The following TTC29 variants were observed in gnomAD, a reference collection of about 807,000 sequenced individuals.
The protein encoded by TTC29 is tetratricopeptide repeat protein 29.
In TTC29, 49 loss-of-function variants were observed where a neutral mutation model predicts 58.1. The ratio of observed to expected loss-of-function variants is 0.84; its 90% CI spans 0.67 to 1.07. The LOEUF (loss-of-function observed/expected upper bound fraction) is 1.07. Among genes scored for constraint, TTC29 ranks in the 50% least tolerant of loss-of-function variants. The pLI is 0.00. For synonymous variants in TTC29, 209 were observed against 196.8 expected (o/e 1.06, Z -0.52); for missense variants, 582 against 555.6 (o/e 1.05, Z -0.48).
chr4:146,867,605 A>G (rs1364156821), intron 7 of TTC29, 22 bp from the exon 8 acceptor site: 2 of 1,129,262 alleles, frequency 1.8e-6, no homozygotes, highest in Middle Eastern at 2.0e-4. Flanking sequence ...ATGTAAAAAA[A>G]TTACCAAGTA....
chr4:146,713,146 G>GTGTGTGTGTGT (rs1742642742), intron 11 of TTC29, among the ~76,000 whole-genome samples: 1 of 150,982 alleles, frequency 6.6e-6, no homozygotes, highest in African/African-American at 2.5e-5. Context: ...GTGTGTAAGA[G>GTGTGTGTGTGT]GTGGGGGAGG....
chr4:146,782,991 G>A (rs780120709), intron 11 of TTC29, among the ~76,000 whole-genome samples: 2 of 151,914 alleles, frequency 1.3e-5, no homozygotes, highest in African/African-American at 2.4e-5. Context: ...AAAAGCAGTT[G>A]AAGTATAACT....
At chr4:146,785,103 G>C (rs572113146) in intron 11 of TTC29, among the ~76,000 whole-genome samples, 8 of 150,690 alleles carry the variant, frequency 5.3e-5, no homozygotes, top group African/African-American at 1.5e-4. Context: ...GTGTGTCTCT[G>C]TGTGTGTGTG....
chr4:146,763,677 A>G (rs1747079282), intron 11 of TTC29: 1 of 152,124 alleles, frequency 6.6e-6, no homozygotes, highest in African/African-American at 2.4e-5. Context: ...CTTTCAGTGA[A>G]TAACAGAGGC....
chr4:146,797,833 TA>T (rs1249755073), intron 11 of TTC29, among the ~76,000 whole-genome samples: 1 of 14,994 alleles, frequency 6.7e-5, no homozygotes, highest in Non-Finnish European at 1.1e-4. Context: ...TACTTTGTTT[TA>T]TATATATATA....
At chr4:146,852,036 A>G (rs2150184649) in intron 8 of TTC29, among the ~76,000 whole-genome samples, 1 of 152,266 alleles carries the variant, frequency 6.6e-6, no homozygotes, top group Non-Finnish European at 1.5e-5. Context: ...CCTGGGTTCA[A>G]GTGATTCTCC....
intron 4 of TTC29, among the ~76,000 whole-genome samples, chr4:146,932,056 C>T (rs950365137): frequency 2.0e-5 from 3 of 151,896 alleles, no homozygotes; most frequent in South Asian, 2.1e-4. Context: ...CATGGCAAAA[C>T]GATCTTTTCA....
At chr4:146,779,961 G>C (rs1411043481) in intron 11 of TTC29, among the ~76,000 whole-genome samples, 1 of 151,916 alleles carries the variant, frequency 6.6e-6, no homozygotes, top group Non-Finnish European at 1.5e-5. Flanking sequence ...TTTTTGTTTT[G>C]GCTAACTTGT....
chr4:146,791,169 G>C (rs1018284411), intron 11 of TTC29, among the ~76,000 whole-genome samples: 5 of 152,074 alleles, frequency 3.3e-5, no homozygotes, highest in African/African-American at 1.2e-4. Context: ...CTTTAATTTT[G>C]TTACAAACAT....
chr4:146,763,674 T>G (rs1747079077), intron 11 of TTC29: 1 of 152,188 alleles, frequency 6.6e-6, no homozygotes, highest in Non-Finnish European at 1.5e-5. Flanking sequence ...ATTCTTTCAG[T>G]GAATAACAGA....
intron 8 of TTC29, among the ~76,000 whole-genome samples, chr4:146,860,363 T>G (rs1212410787): frequency 2.0e-5 from 3 of 152,148 alleles, no homozygotes. Flanking sequence ...GGATATATTA[T>G]TTTACACACA....
At chr4:146,857,277 A>AGTGTGTGTGTGTGTGTGTGTGTGT (rs70958531) in intron 8 of TTC29, among the ~76,000 whole-genome samples, 4,867 of 149,288 alleles carry the variant, frequency 0.033, 162 homozygotes, top group Admixed American at 0.1. Context: ...CTAGTGGAAG[A>AGTGTGTGTGTGTGTGTGTGTGTGT]GTGTGTGTGT....
intron 11 of TTC29, among the ~76,000 whole-genome samples, chr4:146,785,984 TACAC>T (rs149100538): frequency 0.052 from 7,716 of 149,288 alleles, 262 homozygotes; most frequent in South Asian, 0.14. Flanking sequence ...TATATATGTG[TACAC>T]ACACACACAC....
intron 8 of TTC29, among the ~76,000 whole-genome samples, chr4:146,862,271 A>G (rs1256247650): frequency 2.7e-5 from 4 of 150,454 alleles, no homozygotes. Flanking sequence ...ATATATATAC[A>G]TATACACACA....
intron 6 of TTC29, among the ~76,000 whole-genome samples, chr4:146,897,983 T>C (rs1732890414): frequency 6.6e-6 from 1 of 152,298 alleles, no homozygotes; most frequent in South Asian, 2.1e-4. Context: ...GACTCAATGA[T>C]AGAATTTATT....
At chr4:146,725,409 G>A (rs1743708399) in intron 11 of TTC29, among the ~76,000 whole-genome samples, 1 of 152,052 alleles carries the variant, frequency 6.6e-6, no homozygotes, top group Non-Finnish European at 1.5e-5. Flanking sequence ...GGTGATGCAT[G>A]CCTATATTCC....
chr4:146,888,964 A>T (rs1391527770), intron 6 of TTC29, among the ~76,000 whole-genome samples: 1 of 152,152 alleles, frequency 6.6e-6, no homozygotes, highest in Non-Finnish European at 1.5e-5. Context: ...GTCAAAAGAG[A>T]GTCTAGGTTT....
At chr4:146,719,321 T>G (rs1743185307) in intron 11 of TTC29, among the ~76,000 whole-genome samples, 1 of 152,090 alleles carries the variant, frequency 6.6e-6, no homozygotes, top group Non-Finnish European at 1.5e-5. Flanking sequence ...GGTATTATTA[T>G]TCATTTTGTA....
intron 8 of TTC29, among the ~76,000 whole-genome samples, chr4:146,852,228 C>T (rs930079491): frequency 2.6e-5 from 4 of 152,170 alleles, no homozygotes; most frequent in Non-Finnish European, 5.9e-5. Context: ...TAATAATTTC[C>T]ACTGAACAAG....
Sources: gnomAD v4.1 joint callset for allele counts (sites outside exome capture counted in the v4.1 genomes callset) on GRCh38, gnomAD v4.1.1 for gene constraint, MANE v1.5 for transcripts, NCBI Gene and HGNC (gene_info 2026-07-23, HGNC 2026-07-21) for gene names.